ALDH1L2: variants seen among roughly 807,000 people sequenced by gnomAD.
The protein encoded by ALDH1L2 is aldehyde dehydrogenase 1 family member L2, also known as mitochondrial 10-formyltetrahydrofolate dehydrogenase.
ALDH1L2 carries 91 observed loss-of-function variants against 111.0 expected under a neutral mutation model. That is an observed-to-expected ratio of 0.82 (90% CI 0.69 to 0.98). The LOEUF is 0.98. Ranked by LOEUF, ALDH1L2 falls within the 50% of genes least tolerant of loss-of-function variation. ALDH1L2 has a pLI of 0.00. For synonymous variants in ALDH1L2, 374 were observed against 392.6 expected (o/e 0.95, Z 0.56); for missense variants, 995 against 1,126.8 (o/e 0.88, Z 1.67).
Position 105,046,914 on chromosome 12 carries a change from T to C in ALDH1L2, c.1742A>G (p.Lys581Arg). The change falls in exon 14 of 23, where the codon AAG becomes AGG. Residue 581 changes from lysine to arginine, a missense_variant. Coordinates refer to ENST00000258494, the MANE Select transcript of ALDH1L2 (RefSeq NM_001034173.4). ...CTTATCTTACCCGAGTGGCTCTTTC[T>C]TGGTGAAGGTCAGATTGCGATTTGG... ...ARPNRNLTFT[K>R]KEPLGVCAII... 1 of 1,614,094 alleles carries C rather than the reference T, an allele frequency of 6.2e-7. No individual in the cohort carries two copies. Among genetic ancestry groups the C allele is most frequent in the Admixed American group, 1.7e-5 (1 of 60,024 alleles).
intron 18 of ALDH1L2, among the ~76,000 whole-genome samples, chr12:105,036,045 G>A (rs1437353611): frequency 1.1e-5 from 1 of 91,934 alleles, no homozygotes; most frequent in Non-Finnish European, 1.9e-5. Context: ...ATTTATATAT[G>A]TGTATATATA....
At chr12:105,081,101 G>C (rs1488051775) in intron 1 of ALDH1L2, among the ~76,000 whole-genome samples, 1 of 152,134 alleles carries the variant, frequency 6.6e-6, no homozygotes, top group East Asian at 1.9e-4. Context: ...AATATGCACA[G>C]GTTATATACA....
chr12:105,079,432 G>A (rs1398457011), intron 1 of ALDH1L2, among the ~76,000 whole-genome samples: 2 of 152,066 alleles, frequency 1.3e-5, no homozygotes, highest in Non-Finnish European at 2.9e-5. Context: ...ATCATAAAAA[G>A]GATAAAATAT....
At chr12:105,076,859 T>C (rs1346234034) in intron 1 of ALDH1L2, among the ~76,000 whole-genome samples, 2 of 152,210 alleles carry the variant, frequency 1.3e-5, no homozygotes, top group African/African-American at 2.4e-5. Context: ...ATTTATCAAA[T>C]GCTTATTATA....
rs1180751025 is a variant in ALDH1L2, at chr12:105,026,695, C to T, written c.2566G>A (p.Ala856Thr). ...QRANSTEYGL[A>T]SGVFTRDINK... ...ATGTCTCTTGTAAAAACCCCTGAGGCCAAACCATACTCTGTACTATTTGCT... is the reference window on the plus strand; with the variant it reads ...ATGTCTCTTGTAAAAACCCCTGAGGTCAAACCATACTCTGTACTATTTGCT... Residue 856 changes from alanine (A) to threonine (T), a missense_variant, in exon 22 of 23, where the codon GCC (alanine) becomes ACC (threonine). Ala to Thr is a moderately conservative substitution (Grantham distance 58). Coordinates refer to ENST00000258494, the MANE Select transcript of ALDH1L2 (RefSeq NM_001034173.4). The T allele has an allele frequency of 2.5e-6, 4 of 1,614,096 alleles. No homozygotes were observed. The highest frequency in any genetic ancestry group is 1.7e-5 in the Admixed American group (1 of 60,000).
At chr12:105,066,059 C>T (rs2136098554) in intron 5 of ALDH1L2, among the ~76,000 whole-genome samples, 1 of 152,258 alleles carries the variant, frequency 6.6e-6, no homozygotes, top group East Asian at 1.9e-4. Context: ...AGTGATCCTC[C>T]TCCCTCAGCC....
intron 19 of ALDH1L2, among the ~76,000 whole-genome samples, chr12:105,032,492 G>C (rs570464820): frequency 6.6e-6 from 1 of 152,058 alleles, no homozygotes; most frequent in Admixed American, 6.5e-5. Flanking sequence ...ACCCGCATCA[G>C]CCTCCCAAAG....
At chr12:105,042,195 T>C (rs2136063417) in intron 15 of ALDH1L2, among the ~76,000 whole-genome samples, 1 of 152,340 alleles carries the variant, frequency 6.6e-6, no homozygotes, top group East Asian at 1.9e-4. Context: ...CTGATACCTT[T>C]ATCCGATATC....
chr12:105,026,708 T>G lies in ALDH1L2; in HGVS notation c.2553A>C (p.Thr851=), dbSNP rs373869579. The part of the protein sequence containing the change: ...IDGVLQRANS[T]EYGLASGVFT... ...AAACCCCTGAGGCCAAACCATACTCTGTACTATTTGCTCGCTGCAACACTC... is the reference window on the plus strand; with the variant it reads ...AAACCCCTGAGGCCAAACCATACTCGGTACTATTTGCTCGCTGCAACACTC... The change falls in exon 22 of 23, where the codon ACA becomes ACC. Residue 851 remains threonine (T), a synonymous_variant. Transcript: ENST00000258494. 2.5e-6 allele frequency: 4 copies of G among 1,614,122 alleles called. No individual in the cohort carries two copies. In the African/African-American group the frequency reaches 5.3e-5, roughly 22 times the overall value.
chr12:105,060,961 C>A lies in ALDH1L2; in HGVS notation c.1139+20G>T. 4 of 1,605,984 alleles carry A rather than the reference C, an allele frequency of 2.5e-6. No individual in the cohort carries two copies. In the South Asian group the frequency reaches 4.4e-5, roughly 18 times the overall value. ...TCTAGTGAGGGAATCCCTAGTGAGT[C>A]AATAAGGGCGTGGTTTTACCTGGCA... On this transcript the variant is annotated intron_variant, in intron 9 of 22. Transcript: ENST00000258494.
intron 15 of ALDH1L2, among the ~76,000 whole-genome samples, chr12:105,046,193 C>CTCTCTATA (rs1256472590): frequency 7.4e-4 from 15 of 20,168 alleles, no homozygotes; most frequent in East Asian, 1.4e-3. Flanking sequence ...CTCTCTCTCT[C>CTCTCTATA]TATATATATA....
In ALDH1L2 at chr12:105,069,399, A is replaced by T. The variant is rs561187526; in HGVS notation, c.429-515T>A. Among the ~76,000 whole-genome samples, 5 of 152,334 alleles carry T rather than the reference A, an allele frequency of 3.3e-5. No homozygotes were observed. In the South Asian group the frequency reaches 8.3e-4, roughly 25 times the overall value. ...GTAGGTCAGCCATGTAATAATGTAA[A>T]TATTTTTTACTTTTGAGCTACAAAT... On this transcript the variant is annotated intron_variant, in intron 3 of 22. Coordinates refer to ENST00000258494, the MANE Select transcript of ALDH1L2 (RefSeq NM_001034173.4).
chr12:105,084,321 C>A, intron 1 of ALDH1L2, 68 bp downstream of exon 1: 1 of 1,469,470 alleles, frequency 6.8e-7, no homozygotes, highest in South Asian at 1.3e-5. Flanking sequence ...CCGCCCCGGC[C>A]CTCCCGCCCC....
Position 105,063,961 on chromosome 12 carries a change from T to G in ALDH1L2, c.787-939A>C, listed in dbSNP as rs569416447. On this transcript the variant is annotated intron_variant, in intron 6 of 22. Transcript: ENST00000258494. ...AAGTACTTAAATGAGTTAACATGTA[T>G]TAATTCTTTTTTTTTTTTTTTTGAG... is the stretch of plus-strand genomic sequence containing the variant. 4.4e-5 allele frequency among the ~76,000 whole-genome samples: 6 copies of G among 135,914 alleles called. No homozygotes were observed. The East Asian group carries it at 1.4e-3, about 32-fold the overall frequency. 89.2% of individuals were successfully genotyped at this position (135,914 alleles called of 152,430 possible). A position where few individuals can be genotyped will look rare whatever the true frequency, so the allele number is the denominator to read the frequency against.
At chr12:105,047,121 G>C in intron 13 of ALDH1L2, 152 bp from the exon 14 acceptor site, 1 of 790,688 alleles carries the variant, frequency 1.3e-6, no homozygotes, top group Non-Finnish European at 2.0e-6. Context: ...GCCAAAGAAG[G>C]AACAGCTATT....
At chr12:105,025,746 G>A (rs767015422) in intron 22 of ALDH1L2, among the ~76,000 whole-genome samples, 1 of 152,136 alleles carries the variant, frequency 6.6e-6, no homozygotes, top group Non-Finnish European at 1.5e-5. Flanking sequence ...TTGAAACAAC[G>A]TACCAGACTG....
intron 1 of ALDH1L2, among the ~76,000 whole-genome samples, chr12:105,075,043 A>G (rs1044444581): frequency 1.3e-5 from 2 of 152,252 alleles, no homozygotes; most frequent in Non-Finnish European, 2.9e-5. Context: ...CCTATATGCT[A>G]TCTTCAAATC....
At chr12:105,057,939 C>A in intron 10 of ALDH1L2, 134 bp downstream of exon 10, 1 of 1,099,656 alleles carries the variant, frequency 9.1e-7, no homozygotes, top group Non-Finnish European at 1.2e-6. Flanking sequence ...TTTATGCCAT[C>A]TGAATTAGAT....
intron 19 of ALDH1L2, 58 bp downstream of exon 19, chr12:105,034,242 T>C: frequency 1.3e-6 from 2 of 1,531,280 alleles, no homozygotes; most frequent in Non-Finnish European, 1.8e-6. Context: ...AGAAGTAGGA[T>C]TTTTCAAGTA....
Sources: gnomAD v4.1 joint callset for allele counts (sites outside exome capture counted in the v4.1 genomes callset) on GRCh38, gnomAD v4.1.1 for gene constraint, MANE v1.5 for transcripts, NCBI Gene and HGNC (gene_info 2026-07-23, HGNC 2026-07-21) for gene names.